Variants in ATP2A2 observed in about 807,000 individuals in gnomAD.
ATP2A2 encodes ATPase sarcoplasmic/endoplasmic reticulum Ca2+ transporting 2.
ATP2A2 carries 14 observed loss-of-function variants against 109.3 expected under a neutral mutation model. That is an observed-to-expected ratio of 0.13 (90% CI 0.08 to 0.20). The LOEUF (loss-of-function observed/expected upper bound fraction) is 0.20. ATP2A2 is among the 10% of genes least tolerant of loss of function. ATP2A2 has a pLI of 1.00. For synonymous variants in ATP2A2, 506 were observed against 490.9 expected (o/e 1.03, Z -0.41); for missense variants, 657 against 1,321.6 (o/e 0.50, Z 7.80).
intron 4 of ATP2A2, among the ~76,000 whole-genome samples, chr12:110,293,227 C>T (rs1028919873): frequency 6.6e-6 from 1 of 151,998 alleles, no homozygotes; most frequent in Non-Finnish European, 1.5e-5. Flanking sequence ...AGGCACCTGA[C>T]ACCACACCCA....
In ATP2A2 at chr12:110,346,299, G is replaced by A. The variant is rs753231374; in HGVS notation, c.2958G>A (p.Val986=). ...TCATGGATGAGACGCTCAAGTTTGT[G>A]GCCCGCAACTACCTGGAACCTGGTA... is the stretch of plus-strand genomic sequence containing the variant. ...VILMDETLKF[V]ARNYLEPGKE... is the part of the protein sequence containing the mutation. The change falls in exon 20 of 20, where the codon GTG becomes GTA. Residue 986 remains valine (V), a synonymous_variant. Transcript: ENST00000539276. 1 of 1,614,116 alleles carries A rather than the reference G, an allele frequency of 6.2e-7. No individual in the cohort carries two copies. The highest frequency in any genetic ancestry group is 1.1e-5 in the South Asian group (1 of 91,078).
chr12:110,317,178 C>T (rs1412538111), intron 5 of ATP2A2, among the ~76,000 whole-genome samples: 1 of 152,094 alleles, frequency 6.6e-6, no homozygotes, highest in Non-Finnish European at 1.5e-5. Context: ...TTTTGAGTCA[C>T]AGTTAAATGT....
At chr12:110,345,635 A>AC (rs1293605339) in intron 18 of ATP2A2, 4 of 609,516 alleles carry the variant, frequency 6.6e-6, no homozygotes, top group Non-Finnish European at 1.1e-5. Context: ...GAACTTTGGT[A>AC]CCCCTGTATG....
In ATP2A2 at chr12:110,346,503, T is replaced by G; in HGVS notation, c.*33T>G. The G allele has an allele frequency of 6.2e-7, 1 of 1,613,514 alleles. No individual in the cohort carries two copies. The highest frequency in any genetic ancestry group is 8.5e-7 in the Non-Finnish European group (1 of 1,179,774). ...TTTTCCATAAAGAAGATGTTTAACTTAATCAATTAATTTTTTTATTGTTTA... is the reference window on the plus strand; with the variant it reads ...TTTTCCATAAAGAAGATGTTTAACTGAATCAATTAATTTTTTTATTGTTTA... On this transcript the variant is annotated 3_prime_UTR_variant, in exon 20 of 20. Coordinates refer to ENST00000539276, the MANE Select transcript of ATP2A2 (RefSeq NM_170665.4).
chr12:110,281,955 C>A (rs1192903688), intron 1 of ATP2A2, 48 bp downstream of exon 1: 2 of 1,473,020 alleles, frequency 1.4e-6, no homozygotes, highest in Non-Finnish European at 1.8e-6. Context: ...GCCGGGAGAG[C>A]CAGGGAAGAT....
At chr12:110,329,276 C>A (rs1478740009) in intron 8 of ATP2A2, 1 of 152,204 alleles carries the variant, frequency 6.6e-6, no homozygotes, top group African/African-American at 2.4e-5. Flanking sequence ...AAAAAATGTA[C>A]ATGTTCAGTA....
chr12:110,331,204 G>A (rs570107478), intron 8 of ATP2A2: 1 of 150,586 alleles, frequency 6.6e-6, no homozygotes, highest in South Asian at 2.1e-4. Context: ...TGCCATTGCA[G>A]TCCACCCAGC....
intron 4 of ATP2A2, chr12:110,296,397 A>C: frequency 1.6e-6 from 1 of 637,614 alleles, no homozygotes; most frequent in Non-Finnish European, 2.7e-6. Flanking sequence ...AGCTTAATTG[A>C]GGGTACTTAA....
Position 110,346,991 on chromosome 12 carries a change from C to G in ATP2A2, c.*521C>G. On this transcript the variant is annotated 3_prime_UTR_variant, in exon 20 of 20. Transcript: ENST00000539276. Reference sequence around the variant, plus strand: ...CAGTCAGTATTGTTTTGGTTTGCTACTTCCCTCACCCACTTTGGCCTCCGT... The same window carrying G: ...CAGTCAGTATTGTTTTGGTTTGCTAGTTCCCTCACCCACTTTGGCCTCCGT... 15 of 1,103,198 alleles carry G rather than the reference C, an allele frequency of 1.4e-5. No homozygotes were observed. Among genetic ancestry groups the G allele is most frequent in the Non-Finnish European group, 1.7e-5 (15 of 901,176 alleles). The allele number at this position is 1,103,198 out of a possible 1,614,324, so 68.3% of individuals were successfully genotyped here.
intron 8 of ATP2A2, chr12:110,331,715 A>G (rs896229833): frequency 2.0e-5 from 3 of 152,206 alleles, no homozygotes; most frequent in African/African-American, 7.2e-5. Flanking sequence ...TTAATTGCTC[A>G]TATTTCAGAG....
At chr12:110,322,175 G>C (rs1361854085) in intron 5 of ATP2A2, among the ~76,000 whole-genome samples, 1 of 152,108 alleles carries the variant, frequency 6.6e-6, no homozygotes. Context: ...AGTGTTACTA[G>C]TTTGCTACAC....
chr12:110,294,118 A>T (rs1230301318), intron 4 of ATP2A2, among the ~76,000 whole-genome samples: 2 of 151,642 alleles, frequency 1.3e-5, no homozygotes, highest in Non-Finnish European at 2.9e-5. Flanking sequence ...ATCTTGGCTC[A>T]CTGCAAGCTC....
At position 110,323,053 on chromosome 12, in the gene ATP2A2, T is replaced by G. The variant is rs1877400776; in HGVS notation, c.525T>G (p.Val175=). 1 of 1,610,580 alleles carries G rather than the reference T, an allele frequency of 6.2e-7. No individual in the cohort carries two copies. The highest frequency in any genetic ancestry group is 8.5e-7 in the Non-Finnish European group (1 of 1,176,906). ...LTSIKSTTLR[V]DQSILTGESV... ...CCATCAAATCTACCACACTAAGAGT[T>G]GACCAGTCAATTCTCACAGGTAAAT... Residue 175 remains valine, a synonymous_variant, in exon 6 of 20, where the codon GTT becomes GTG. Transcript: ENST00000539276.
chr12:110,302,680 A>T (rs963339006), intron 5 of ATP2A2, among the ~76,000 whole-genome samples: 10 of 151,726 alleles, frequency 6.6e-5, no homozygotes, highest in Non-Finnish European at 1.0e-4. Flanking sequence ...GTTCACTGCA[A>T]CCTCTGCCTG....
At chr12:110,315,297 T>A (rs1040733783) in intron 5 of ATP2A2, among the ~76,000 whole-genome samples, 1 of 152,234 alleles carries the variant, frequency 6.6e-6, no homozygotes, top group Non-Finnish European at 1.5e-5. Flanking sequence ...TAACATTGCT[T>A]AGTGCATGGT....
chr12:110,306,178 AG>A (rs888971351), intron 5 of ATP2A2, among the ~76,000 whole-genome samples: 3 of 152,124 alleles, frequency 2.0e-5, no homozygotes, highest in African/African-American at 7.2e-5. Flanking sequence ...AGCTGGGACC[AG>A]AGGCGCCTGC....
In ATP2A2 at chr12:110,292,106, A is replaced by G. The variant is rs1873379901; in HGVS notation, c.306A>G (p.Ala102=). 1 of 1,614,004 alleles carries G rather than the reference A, an allele frequency of 6.2e-7. No individual in the cohort carries two copies. The highest frequency in any genetic ancestry group is 1.3e-5 in the African/African-American group (1 of 74,946). ...FVILLILVAN[A]IVGVWQERNA... ...TTTTACTCATATTAGTAGCCAATGC[A>G]ATTGTGGGTGTATGGCAGGTAAGCA... is the stretch of plus-strand genomic sequence containing the variant. The change falls in exon 4 of 20, where the codon GCA becomes GCG. Residue 102 remains alanine, a synonymous_variant. Transcript: ENST00000539276.
At chr12:110,341,817 G>A (rs1461460445) in intron 14 of ATP2A2, among the ~76,000 whole-genome samples, 3 of 152,190 alleles carry the variant, frequency 2.0e-5, no homozygotes, top group Non-Finnish European at 2.9e-5. Flanking sequence ...GCAGTGAGCC[G>A]AGACTGCGCC....
intron 11 of ATP2A2, among the ~76,000 whole-genome samples, chr12:110,334,650 C>T (rs573026438): frequency 2.3e-4 from 33 of 145,792 alleles, no homozygotes; most frequent in African/African-American, 2.1e-4. Context: ...TGCCATGGCG[C>T]GATCTTGGCT....
Sources: gnomAD v4.1 joint callset for allele counts (sites outside exome capture counted in the v4.1 genomes callset) on GRCh38, gnomAD v4.1.1 for gene constraint, MANE v1.5 for transcripts, NCBI Gene and HGNC (gene_info 2026-07-23, HGNC 2026-07-21) for gene names.